Variants in TMEM140 observed in about 807,000 individuals in gnomAD.
TMEM140 encodes transmembrane protein 140.
For missense variants in TMEM140, 236 were observed against 228.5 expected (o/e 1.03, Z -0.21); for synonymous variants, 107 against 106.8 (o/e 1.00, Z -0.01).
intron 1 of TMEM140, among the ~76,000 whole-genome samples, chr7:135,150,342 A>C (rs1585341279): frequency 6.6e-6 from 1 of 152,082 alleles, no homozygotes; most frequent in South Asian, 2.1e-4. Flanking sequence ...CACCCTGTTT[A>C]TTTCTTTCCC....
At chr7:135,158,196 A>T (rs1205375093) in intron 1 of TMEM140, among the ~76,000 whole-genome samples, 1 of 151,954 alleles carries the variant, frequency 6.6e-6, no homozygotes, top group African/African-American at 2.4e-5. Context: ...CCAGGCAGGC[A>T]GCATGGGCAA....
At chr7:135,160,452 G>A (rs560779866) in intron 1 of TMEM140, among the ~76,000 whole-genome samples, 4 of 152,200 alleles carry the variant, frequency 2.6e-5, no homozygotes, top group Non-Finnish European at 5.9e-5. Flanking sequence ...GGGAAGTAGA[G>A]AAGAGTGTCA....
chr7:135,157,690 T>C (rs1038724046), intron 1 of TMEM140, among the ~76,000 whole-genome samples: 1 of 152,156 alleles, frequency 6.6e-6, no homozygotes, highest in South Asian at 2.1e-4. Context: ...GCAGTCCATG[T>C]TGGTGTTGCT....
chr7:135,151,662 AG>A lies in TMEM140; in HGVS notation c.-25+3393del. On this transcript the variant is annotated intron_variant, in intron 1 of 1. Transcript: ENST00000275767. The surrounding 1 kb of genome is among the most constrained non-coding windows in gnomAD (Gnocchi z 4.3). Reference sequence around the variant, plus strand: ...TTGACCCAGTTTGTGTCAGGCCCCAAGCCCTCTATATGTGAGTGAACTTCCT... The same window carrying A: ...TTGACCCAGTTTGTGTCAGGCCCCAACCCTCTATATGTGAGTGAACTTCCT... Among the ~76,000 whole-genome samples the A allele has an allele frequency of 6.6e-6, 1 of 152,208 alleles. No homozygotes were observed. Among genetic ancestry groups the A allele is most frequent in the Non-Finnish European group, 1.5e-5 (1 of 68,040 alleles).
intron 1 of TMEM140, among the ~76,000 whole-genome samples, chr7:135,153,352 G>A (rs1829708610): frequency 6.6e-6 from 1 of 151,018 alleles, no homozygotes; most frequent in Non-Finnish European, 1.5e-5. Flanking sequence ...TACTCGGGAG[G>A]CTGAGGCAGA....
At chr7:135,150,301 C>A (rs939075691) in intron 1 of TMEM140, among the ~76,000 whole-genome samples, 2 of 152,216 alleles carry the variant, frequency 1.3e-5, no homozygotes, top group Non-Finnish European at 2.9e-5. Context: ...ATCTAGTCAT[C>A]ACTTCCTCCT....
intron 1 of TMEM140, among the ~76,000 whole-genome samples, chr7:135,160,440 T>C (rs1829900305): frequency 6.6e-6 from 1 of 152,070 alleles, no homozygotes; most frequent in Non-Finnish European, 1.5e-5. Flanking sequence ...GGAAGGCCCA[T>C]GGGGAAGTAG....
intron 1 of TMEM140, among the ~76,000 whole-genome samples, chr7:135,150,785 G>A (rs567137149): frequency 6.6e-6 from 1 of 152,314 alleles, no homozygotes; most frequent in Admixed American, 6.5e-5. Context: ...GAACCCGGGA[G>A]GCAGAGATTG....
chr7:135,154,212 TTC>T (rs1585346211), intron 1 of TMEM140, among the ~76,000 whole-genome samples: 4 of 152,196 alleles, frequency 2.6e-5, no homozygotes, highest in Admixed American at 2.6e-4. Context: ...TATTTGGATC[TTC>T]TTTCTTCTTG....
At chr7:135,160,757 G>C (rs536359743) in intron 1 of TMEM140, among the ~76,000 whole-genome samples, 1 of 149,372 alleles carries the variant, frequency 6.7e-6, no homozygotes, top group African/African-American at 2.5e-5. Flanking sequence ...ACAAAAAAAA[G>C]AGCCCCTACT....
chr7:135,155,645 G>T (rs1468743826), intron 1 of TMEM140, among the ~76,000 whole-genome samples: 1 of 152,106 alleles, frequency 6.6e-6, no homozygotes, highest in East Asian at 1.9e-4. Context: ...GATGGAAGGT[G>T]GTCAAGACCA....
In TMEM140 at chr7:135,148,213, C is replaced by A. The variant is rs1375540321; in HGVS notation, c.-82C>A. On this transcript the variant is annotated 5_prime_UTR_variant, in exon 1 of 2. Transcript: ENST00000275767. Reference sequence around the variant, plus strand: ...GAGAAGGAAGATTCAAACAACCAACCCTGATTTCCTGCTTCTCCTTTTCAT... The same window carrying A: ...GAGAAGGAAGATTCAAACAACCAACACTGATTTCCTGCTTCTCCTTTTCAT... The A allele has an allele frequency of 2.4e-6, 1 of 419,756 alleles. No individual in the cohort carries two copies. Among genetic ancestry groups the A allele is most frequent in the Non-Finnish European group, 4.7e-6 (1 of 212,784 alleles). The allele number at this position is 419,756 out of a possible 1,614,324, so 26.0% of individuals were successfully genotyped here.
At chr7:135,158,787 T>C (rs1015776774) in intron 1 of TMEM140, among the ~76,000 whole-genome samples, 20 of 152,160 alleles carry the variant, frequency 1.3e-4, no homozygotes, top group Non-Finnish European at 2.5e-4. Flanking sequence ...CAGGGGTGCA[T>C]GGGAGCACCT....
chr7:135,162,001 C>T (rs779601709), intron 1 of TMEM140, among the ~76,000 whole-genome samples: 73 of 152,250 alleles, frequency 4.8e-4, no homozygotes, highest in Non-Finnish European at 9.8e-4. Context: ...TCTCCATCAG[C>T]CAGCCTGCCC....
In TMEM140 at chr7:135,164,561, T is replaced by C; in HGVS notation, c.120T>C (p.Thr40=). 1 of 1,614,222 alleles carries C rather than the reference T, an allele frequency of 6.2e-7. No homozygotes were observed. The highest frequency in any genetic ancestry group is 8.5e-7 in the Non-Finnish European group (1 of 1,179,994). ...TTCTCTGGGAGGCTGGCAACCTCAC[T>C]GACCTGCCCAACCTGAGAATCGGCT... ...YALLWEAGNL[T]DLPNLRIGFY... The change falls in exon 2 of 2, where the codon ACT becomes ACC. Residue 40 remains threonine (T), a synonymous_variant. Transcript: ENST00000275767.
intron 1 of TMEM140, among the ~76,000 whole-genome samples, chr7:135,150,472 C>T (rs1029709799): frequency 1.3e-5 from 2 of 152,182 alleles, no homozygotes; most frequent in African/African-American, 4.8e-5. Context: ...ACTGATTCCC[C>T]AGGGCCTCTG....
intron 1 of TMEM140, among the ~76,000 whole-genome samples, chr7:135,162,575 C>T (rs1829971791): frequency 6.6e-6 from 1 of 152,168 alleles, no homozygotes; most frequent in Admixed American, 6.5e-5. Flanking sequence ...TGGCAGCAGG[C>T]AAGAGAACAT....
At chr7:135,153,460 A>AAG (rs1408113917) in intron 1 of TMEM140, among the ~76,000 whole-genome samples, 1 of 151,482 alleles carries the variant, frequency 6.6e-6, no homozygotes, top group African/African-American at 2.4e-5. Context: ...TCTCCACAAA[A>AAG]AAAAAAAAAA....
chr7:135,152,862 T>C (rs566089832), intron 1 of TMEM140: 6 of 152,214 alleles, frequency 3.9e-5, no homozygotes, highest in Non-Finnish European at 8.8e-5. Context: ...GTAAGTTCCA[T>C]GCGGCAGTCC....
Sources: gnomAD v4.1 joint callset for allele counts (sites outside exome capture counted in the v4.1 genomes callset) on GRCh38, gnomAD v4.1.1 for gene constraint, Gnocchi (gnomAD v3.1) non-coding constraint, MANE v1.5 for transcripts, NCBI Gene and HGNC (gene_info 2026-07-23, HGNC 2026-07-21) for gene names.